Variants in UNC93A observed in about 807,000 individuals in gnomAD.
UNC93A encodes N-acetylglucosamine transporter UNC93A.
A neutral mutation model predicts 47.5 loss-of-function variants in UNC93A; 43 were observed. That is an observed-to-expected ratio of 0.91 (90% CI 0.71 to 1.17). The LOEUF is 1.17. Among genes scored for constraint, UNC93A ranks in the 50% most tolerant of loss-of-function variants. The pLI is 0.00. For synonymous variants in UNC93A, 280 were observed against 258.0 expected, an observed-to-expected ratio of 1.09 and a Z score of -0.82; for missense variants, 605 against 577.6, an observed-to-expected ratio of 1.05 and a Z score of -0.49.
intron 1 of UNC93A, among the ~76,000 whole-genome samples, chr6:167,285,668 G>C (rs1324589470): frequency 6.6e-6 from 1 of 151,510 alleles, no homozygotes; most frequent in African/African-American, 2.4e-5. Flanking sequence ...TAACCCACTG[G>C]GGTGGGGGTT....
At chr6:167,303,810 G>A (rs1583085878) in intron 4 of UNC93A, 109 bp from the exon 5 acceptor site, 1 of 1,045,818 alleles carries the variant, frequency 9.6e-7, no homozygotes, top group East Asian at 2.4e-5. Context: ...ATCTGGATCT[G>A]AATTAGCCCT....
chr6:167,290,138 A>C (rs1783815688), upstream of UNC93A, among the ~76,000 whole-genome samples: 1 of 152,218 alleles, frequency 6.6e-6, no homozygotes, highest in South Asian at 2.1e-4. Flanking sequence ...TCACCTAGCT[A>C]ACAAATTACA....
Position 167,306,137 on chromosome 6 carries a change from A to G in UNC93A, c.976+87A>G. On this transcript the variant is annotated intron_variant, in intron 6 of 7. Transcript: ENST00000230256. ...AGCTCACAGTCAGGACAGGCTGGAA[A>G]AGTGCCCCTGAAACTGCTTTGAAAT... 2.5e-6 allele frequency: 4 copies of G among 1,573,538 alleles called. No individual in the cohort carries two copies. The South Asian group carries it at 4.5e-5, about 18-fold the overall frequency.
rs114726122 is a variant in UNC93A, at chr6:167,297,822, C to T, written c.500-123C>T. 568 of 1,273,622 alleles carry T rather than the reference C, an allele frequency of 4.5e-4. 2 individuals are homozygous for T. The African/African-American group carries it at 7.4e-3, about 17-fold the overall frequency. The allele number at this position is 1,273,622 out of a possible 1,614,324, so 78.9% of individuals were successfully genotyped here. ...TGAGACACTGGGTCTTTCCACGTGACCTGTAGTGATGCCTCCCCCCAGGTG... is the reference window on the plus strand; with the variant it reads ...TGAGACACTGGGTCTTTCCACGTGATCTGTAGTGATGCCTCCCCCCAGGTG... On this transcript the variant is annotated intron_variant, in intron 3 of 7. Coordinates refer to ENST00000230256, the MANE Select transcript of UNC93A (RefSeq NM_018974.4).
At chr6:167,305,771 G>T in intron 5 of UNC93A, 144 bp from the exon 6 acceptor site, 1 of 1,139,000 alleles carries the variant, frequency 8.8e-7, no homozygotes. Context: ...CTGCATGGGA[G>T]CCACAGAGCC....
At chr6:167,294,474 G>A in intron 1 of UNC93A, 43 bp from the exon 2 acceptor site, 17 of 1,608,716 alleles carry the variant, frequency 1.1e-5, no homozygotes, top group Non-Finnish European at 1.4e-5. Context: ...TCATCCCGCT[G>A]TGTCCATCCT....
chr6:167,307,304 C>T (rs187331944), intron 6 of UNC93A, among the ~76,000 whole-genome samples: 13 of 152,278 alleles, frequency 8.5e-5, no homozygotes, highest in South Asian at 4.1e-4. Context: ...GCTAGCAGCA[C>T]GCATACACAT....
rs746065146 is a variant in UNC93A, at chr6:167,297,980, G to T, written c.535G>T (p.Ala179Ser). 1.2e-6 allele frequency: 2 copies of T among 1,614,004 alleles called. No individual in the cohort carries two copies. The highest frequency in any genetic ancestry group is 3.3e-5 in the Admixed American group (2 of 60,012). Residue 179 changes from alanine to serine, a missense_variant, in exon 4 of 8, where the codon GCC (alanine) becomes TCC (serine). Ala to Ser is a moderately conservative substitution (Grantham distance 99). Transcript: ENST00000230256. ...AGAAGAGCAGCTCACGTCCTGTGGGGCCAGTGACTGCCTGATGGCCACCAC... is the reference window on the plus strand; with the variant it reads ...AGAAGAGCAGCTCACGTCCTGTGGGTCCAGTGACTGCCTGATGGCCACCAC... Reference protein sequence around the residue: ...LPEEQLTSCGASDCLMATTTT... With the variant: ...LPEEQLTSCGSSDCLMATTTT...
At chr6:167,282,947 T>C (rs539310895) in intron 1 of UNC93A, among the ~76,000 whole-genome samples, 1 of 152,290 alleles carries the variant, frequency 6.6e-6, no homozygotes, top group Non-Finnish European at 1.5e-5. Flanking sequence ...CTGGAATCCA[T>C]AGAAAGGAGT....
At chr6:167,295,075 C>T (rs1157239734) in intron 2 of UNC93A, among the ~76,000 whole-genome samples, 1 of 152,166 alleles carries the variant, frequency 6.6e-6, no homozygotes, top group East Asian at 1.9e-4. Context: ...CACCAATGGA[C>T]CGAAAGCTGC....
intron 1 of UNC93A, among the ~76,000 whole-genome samples, chr6:167,280,612 G>A (rs926406251): frequency 1.3e-5 from 2 of 152,182 alleles, no homozygotes; most frequent in African/African-American, 4.8e-5. Flanking sequence ...AGGCCGCTCA[G>A]TCTAGGTCAG....
intron 1 of UNC93A, among the ~76,000 whole-genome samples, chr6:167,293,561 G>A (rs1303767210): frequency 3.9e-5 from 6 of 152,076 alleles, no homozygotes; most frequent in Admixed American, 1.3e-4. Context: ...CTGAGGAGCC[G>A]AGCCCACCTC....
At chr6:167,298,196 A>G in intron 4 of UNC93A, 126 bp downstream of exon 4, 1 of 1,411,386 alleles carries the variant, frequency 7.1e-7, no homozygotes, top group Non-Finnish European at 9.4e-7. Context: ...ATCCTTGCAA[A>G]ATGTATTGGT....
chr6:167,309,323 G>A (rs992162075), intron 7 of UNC93A, among the ~76,000 whole-genome samples: 11 of 152,194 alleles, frequency 7.2e-5, no homozygotes, highest in Non-Finnish European at 8.8e-5. Context: ...GTGTGTGGCC[G>A]CTTGCCGGAG....
intron 1 of UNC93A, among the ~76,000 whole-genome samples, chr6:167,283,493 C>T (rs6935358): frequency 1.8e-4 from 28 of 152,142 alleles, no homozygotes; most frequent in South Asian, 6.2e-4. Context: ...CAGTCCGTTG[C>T]GGGTCTTACA....
intron 4 of UNC93A, among the ~76,000 whole-genome samples, chr6:167,301,076 C>G (rs926064101): frequency 2.0e-5 from 3 of 152,250 alleles, no homozygotes; most frequent in African/African-American, 7.2e-5. Flanking sequence ...TTTTCAAAAG[C>G]AGGCAGTGGG....
chr6:167,278,289 A>G (rs998678539), intron 1 of UNC93A, among the ~76,000 whole-genome samples: 2 of 152,202 alleles, frequency 1.3e-5, no homozygotes, highest in African/African-American at 4.8e-5. Context: ...TGCCAATTGC[A>G]GTCAGTAGCC....
chr6:167,272,934 C>T (rs889785256), intron 1 of UNC93A, among the ~76,000 whole-genome samples: 9 of 152,080 alleles, frequency 5.9e-5, no homozygotes, highest in East Asian at 1.9e-4. Context: ...CACTTCCCGT[C>T]GTGGCCTGAA....
chr6:167,270,917 A>G (rs954144522), upstream of UNC93A, among the ~76,000 whole-genome samples: 2 of 152,120 alleles, frequency 1.3e-5, no homozygotes, highest in African/African-American at 4.8e-5. Context: ...TGTTGTGGCG[A>G]CCTCAAGAAA....
Sources: gnomAD v4.1 joint callset for allele counts (sites outside exome capture counted in the v4.1 genomes callset) on GRCh38, gnomAD v4.1.1 for gene constraint, MANE v1.5 for transcripts, NCBI Gene and HGNC (gene_info 2026-07-23, HGNC 2026-07-21) for gene names.